The following RPS6KC1 variants were observed in gnomAD, a reference collection of about 807,000 sequenced individuals.
The protein encoded by RPS6KC1 is inactive ribosomal protein S6 kinase delta-1.
A neutral mutation model predicts 103.8 loss-of-function variants in RPS6KC1; 54 were observed. That is an observed-to-expected ratio of 0.52 (90% CI 0.42 to 0.65). The LOEUF (loss-of-function observed/expected upper bound fraction) is 0.65, where lower values mean the gene tolerates loss of function less well. Among genes scored for constraint, RPS6KC1 ranks in the 30% least tolerant of loss-of-function variants. RPS6KC1 has a pLI of 0.00. For missense variants in RPS6KC1, 1,151 were observed against 1,253.8 expected, an observed-to-expected ratio of 0.92 and a Z score of 1.24; for synonymous variants, 439 against 438.7, an observed-to-expected ratio of 1.00 and a Z score of -0.01.
At chr1:213,803,417 T>C in the RPS6KC1 span, among the ~76,000 whole-genome samples, 1 of 152,038 alleles carries the variant, frequency 6.6e-6, no homozygotes, top group Non-Finnish European at 1.5e-5. Context: ...TGGCTAATTT[T>C]TGTATTTTTA....
the RPS6KC1 span, among the ~76,000 whole-genome samples, chr1:213,411,277 T>C: frequency 6.6e-6 from 1 of 152,044 alleles, no homozygotes; most frequent in Non-Finnish European, 1.5e-5. Flanking sequence ...TGAGCACAGG[T>C]GTGTGGCAGA....
At chr1:213,346,370 A>G in the RPS6KC1 span, among the ~76,000 whole-genome samples, 1 of 152,114 alleles carries the variant, frequency 6.6e-6, no homozygotes, top group Admixed American at 6.5e-5. Flanking sequence ...AAAAAAAAAT[A>G]TCACCAATAA....
the RPS6KC1 span, among the ~76,000 whole-genome samples, chr1:213,636,502 C>T: frequency 2.6e-5 from 4 of 152,114 alleles, no homozygotes; most frequent in Non-Finnish European, 4.4e-5. Flanking sequence ...CTGACAAAAA[C>T]AAGAAATGGG....
At chr1:213,674,355 G>GTGGGAGATGAGTGCCCAAT in the RPS6KC1 span, among the ~76,000 whole-genome samples, 1 of 152,224 alleles carries the variant, frequency 6.6e-6, no homozygotes, top group South Asian at 2.1e-4. Context: ...CCAATGTTTA[G>GTGGGAGATGAGTGCCCAAT]CTCCCACTTT....
chr1:213,063,096 G>A (rs1324944183), intron 1 of RPS6KC1, among the ~76,000 whole-genome samples: 3 of 152,190 alleles, frequency 2.0e-5, no homozygotes, highest in African/African-American at 4.8e-5. Context: ...GGCAGAAAAA[G>A]CAGTTCATGG....
chr1:213,683,888 C>T, the RPS6KC1 span, among the ~76,000 whole-genome samples: 1 of 152,138 alleles, frequency 6.6e-6, no homozygotes, highest in Admixed American at 6.5e-5. Context: ...ACTGGGAAGT[C>T]CTCGCTAACT....
At chr1:213,212,991 A>G (rs2093556622) in intron 8 of RPS6KC1, among the ~76,000 whole-genome samples, 1 of 152,188 alleles carries the variant, frequency 6.6e-6, no homozygotes, top group African/African-American at 2.4e-5. Context: ...TCATTTATAA[A>G]TATTTTCTCT....
the RPS6KC1 span, among the ~76,000 whole-genome samples, chr1:213,605,644 C>T: frequency 6.6e-6 from 1 of 152,186 alleles, no homozygotes; most frequent in Non-Finnish European, 1.5e-5. Flanking sequence ...CCATGTCTGT[C>T]TTGTTCTTCT....
chr1:213,364,638 G>A, the RPS6KC1 span, among the ~76,000 whole-genome samples: 2 of 152,078 alleles, frequency 1.3e-5, no homozygotes, highest in Admixed American at 6.5e-5. Flanking sequence ...AAAAGAGAGG[G>A]TAGAAAATGC....
chr1:213,265,355 A>G (rs2094889308), intron 14 of RPS6KC1, among the ~76,000 whole-genome samples: 1 of 152,250 alleles, frequency 6.6e-6, no homozygotes, highest in Non-Finnish European at 1.5e-5. Context: ...AAGTCAAAAT[A>G]TGAACCTTTA....
the RPS6KC1 span, among the ~76,000 whole-genome samples, chr1:213,846,238 C>T: frequency 6.6e-6 from 1 of 150,390 alleles, no homozygotes; most frequent in African/African-American, 2.5e-5. Flanking sequence ...AGGCGGAGGT[C>T]GCAGTGAACC....
At chr1:213,694,444 T>C in the RPS6KC1 span, among the ~76,000 whole-genome samples, 6 of 152,180 alleles carry the variant, frequency 3.9e-5, no homozygotes, top group Non-Finnish European at 7.3e-5. Context: ...CCCCAGCCTT[T>C]TCTCCTAAAA....
chr1:213,523,433 G>T, the RPS6KC1 span, among the ~76,000 whole-genome samples: 3 of 152,310 alleles, frequency 2.0e-5, no homozygotes, highest in Admixed American at 6.5e-5. Flanking sequence ...GTTTCTTGAT[G>T]CAGGGTTGCC....
chr1:213,169,933 C>G (rs1440302363), intron 7 of RPS6KC1, among the ~76,000 whole-genome samples: 1 of 152,012 alleles, frequency 6.6e-6, no homozygotes, highest in Non-Finnish European at 1.5e-5. Context: ...AGGCGCATGC[C>G]ACTATGCCTG....
intron 3 of RPS6KC1, among the ~76,000 whole-genome samples, chr1:213,090,939 A>G (rs1159570655): frequency 1.3e-5 from 2 of 152,264 alleles, no homozygotes; most frequent in Admixed American, 1.3e-4. Flanking sequence ...TGTCTGGCTT[A>G]AGAGGAGATA....
chr1:213,254,250 C>T (rs2094595924), intron 12 of RPS6KC1, among the ~76,000 whole-genome samples: 1 of 152,152 alleles, frequency 6.6e-6, no homozygotes, highest in Non-Finnish European at 1.5e-5. Flanking sequence ...TAGAATTTTA[C>T]TAAACAGTTT....
the RPS6KC1 span, among the ~76,000 whole-genome samples, chr1:213,638,078 C>A: frequency 6.6e-6 from 1 of 152,166 alleles, no homozygotes; most frequent in East Asian, 1.9e-4. Context: ...CTCAGCCTCC[C>A]AAAGTGCTAG....
chr1:213,695,042 C>T, the RPS6KC1 span, among the ~76,000 whole-genome samples: 1 of 152,108 alleles, frequency 6.6e-6, no homozygotes, highest in Non-Finnish European at 1.5e-5. Context: ...AGAGTTGAAT[C>T]CTCTCCCTCA....
rs569005481 is a variant in RPS6KC1, at chr1:213,150,598, C to T, written c.836-17260C>T. ...TAATCCATTCAACCCTGAGTGGACACAGCACATGTTTCAGAGAGCACAGGG... is the reference window on the plus strand; with the variant it reads ...TAATCCATTCAACCCTGAGTGGACATAGCACATGTTTCAGAGAGCACAGGG... On this transcript the variant is annotated intron_variant, in intron 6 of 14. Transcript: ENST00000366960. Among the ~76,000 whole-genome samples the T allele has an allele frequency of 7.7e-3, 1,171 of 151,540 alleles. 12 individuals are homozygous for T. The highest frequency in any genetic ancestry group is 0.026 in the African/African-American group (1,075 of 41,192).
Sources: allele counts gnomAD v4.1 joint callset (sites outside exome capture counted in the v4.1 genomes callset), GRCh38; gene constraint gnomAD v4.1.1; transcripts MANE v1.5; gene names NCBI Gene and HGNC (gene_info 2026-07-23, HGNC 2026-07-21).